Variants in PARD3B observed in about 807,000 individuals in gnomAD.
PARD3B encodes the protein par-3 family cell polarity regulator beta.
In PARD3B, 103 loss-of-function variants were observed where a neutral mutation model predicts 130.2. That is an observed-to-expected ratio of 0.79 (90% CI 0.67 to 0.93). The LOEUF (loss-of-function observed/expected upper bound fraction) is 0.93. Among genes scored for constraint, PARD3B ranks in the 40% least tolerant of loss-of-function variants. The pLI is 0.00. For synonymous variants in PARD3B, 583 were observed against 553.2 expected (o/e 1.05, Z -0.76); for missense variants, 1,609 against 1,499.2 (o/e 1.07, Z -1.21).
chr2:205,235,112 G>A lies in PARD3B; in HGVS notation c.2141-10666G>A, dbSNP rs1033343756. Among the ~76,000 whole-genome samples the A allele has an allele frequency of 3.5e-4, 53 of 152,138 alleles. 1 individual carries two copies. The highest frequency in any genetic ancestry group is 1.2e-3 in the African/African-American group (50 of 41,482). On this transcript the variant is annotated intron_variant, in intron 15 of 22. Coordinates refer to ENST00000406610, the MANE Select transcript of PARD3B (RefSeq NM_001302769.2). ...GAAAGATTTCAAATAAATGACCTCA[G>A]CTTTCACTTAAAAAAATGGTAAGAG...
chr2:205,377,068 A>T (rs560737744), intron 18 of PARD3B, among the ~76,000 whole-genome samples: 1 of 152,210 alleles, frequency 6.6e-6, no homozygotes, highest in Non-Finnish European at 1.5e-5. Flanking sequence ...CTTTATAACA[A>T]GTCTGTGAAA....
Position 204,835,935 on chromosome 2 carries a change from CT to C in PARD3B, c.223-129215del, listed in dbSNP as rs202184892. 6.7e-3 allele frequency among the ~76,000 whole-genome samples: 1,027 copies of C among 152,292 alleles called. 8 individuals are homozygous for C. The highest frequency in any genetic ancestry group is 0.041 in the Middle Eastern group (12 of 294). On this transcript the variant is annotated intron_variant, in intron 2 of 22. Coordinates refer to ENST00000406610, the MANE Select transcript of PARD3B (RefSeq NM_001302769.2). ...GTTAGGTATATTAAATGCATTTTGA[CT>C]TACAGTGGATTATCAAGATAGTAAG...
chr2:205,569,608 G>A (rs1279086345), intron 22 of PARD3B, among the ~76,000 whole-genome samples: 1 of 152,154 alleles, frequency 6.6e-6, no homozygotes, highest in African/African-American at 2.4e-5. Context: ...CATGCTGAAT[G>A]GCTTTAGACA....
intron 21 of PARD3B, among the ~76,000 whole-genome samples, chr2:205,532,053 G>A (rs2051621398): frequency 6.6e-6 from 1 of 152,140 alleles, no homozygotes; most frequent in African/African-American, 2.4e-5. Flanking sequence ...GTGAAAAATG[G>A]TGACCAGAAT....
chr2:205,016,056 A>G (rs1696121557), intron 3 of PARD3B, among the ~76,000 whole-genome samples: 1 of 152,236 alleles, frequency 6.6e-6, no homozygotes, highest in Non-Finnish European at 1.5e-5. Flanking sequence ...TTGTCTGCCT[A>G]GGCCAAACCA....
At chr2:205,203,772 G>T (rs547002359) in intron 15 of PARD3B, among the ~76,000 whole-genome samples, 1 of 152,202 alleles carries the variant, frequency 6.6e-6, no homozygotes, top group South Asian at 2.1e-4. Flanking sequence ...TCCCTGCAAA[G>T]TTCATGAACT....
chr2:204,973,592 CTAATTTAA>C (rs761311165), intron 3 of PARD3B, among the ~76,000 whole-genome samples: 2 of 149,284 alleles, frequency 1.3e-5, no homozygotes, highest in Non-Finnish European at 3.0e-5. Context: ...AAAAAATCCA[CTAATTTAA>C]TTATTTACAG....
intron 11 of PARD3B, among the ~76,000 whole-genome samples, chr2:205,171,317 G>A (rs1263998519): frequency 6.6e-6 from 1 of 152,132 alleles, no homozygotes; most frequent in Admixed American, 6.5e-5. Flanking sequence ...CTGCCTTTGG[G>A]GAAATGCACT....
intron 2 of PARD3B, among the ~76,000 whole-genome samples, chr2:204,846,852 T>C (rs2125597388): frequency 6.6e-6 from 1 of 152,126 alleles, no homozygotes; most frequent in South Asian, 2.1e-4. Flanking sequence ...TTCAGTTCCC[T>C]GAATCACAGG....
chr2:205,429,165 A>G (rs546033820), intron 19 of PARD3B, among the ~76,000 whole-genome samples: 30 of 152,350 alleles, frequency 2.0e-4, no homozygotes, highest in African/African-American at 7.2e-4. Flanking sequence ...TGTGTATTAT[A>G]TATTATGGAC....
At chr2:204,598,397 A>G (rs1044987313) in intron 1 of PARD3B, among the ~76,000 whole-genome samples, 2 of 152,106 alleles carry the variant, frequency 1.3e-5, no homozygotes, top group Admixed American at 6.6e-5. Flanking sequence ...ACTCAAGACT[A>G]CAGGGGTAGT....
chr2:205,153,360 T>G (rs1411476465), intron 10 of PARD3B, among the ~76,000 whole-genome samples: 1 of 152,188 alleles, frequency 6.6e-6, no homozygotes, highest in Non-Finnish European at 1.5e-5. Flanking sequence ...TCACTCATGC[T>G]GGGAGCTGTA....
intron 1 of PARD3B, among the ~76,000 whole-genome samples, chr2:204,671,733 T>C (rs145671993): frequency 1.1e-3 from 174 of 152,344 alleles, no homozygotes; most frequent in Admixed American, 1.9e-3. Flanking sequence ...GTGTGTTAGC[T>C]GATAATTTTT....
At chr2:205,337,926 G>A (rs2043373011) in intron 18 of PARD3B, among the ~76,000 whole-genome samples, 1 of 151,772 alleles carries the variant, frequency 6.6e-6, no homozygotes, top group Admixed American at 6.6e-5. Context: ...AAGGCGGGTG[G>A]ATCACCAGGT....
At chr2:205,185,262 TTG>T (rs141373746) in intron 13 of PARD3B, among the ~76,000 whole-genome samples, 19 of 149,912 alleles carry the variant, frequency 1.3e-4, no homozygotes, top group South Asian at 2.1e-4. Flanking sequence ...GTTTGTGTGT[TTG>T]TGTGTGTGTG....
At chr2:204,843,123 C>T (rs1040050000) in intron 2 of PARD3B, among the ~76,000 whole-genome samples, 3 of 151,866 alleles carry the variant, frequency 2.0e-5, no homozygotes, top group Non-Finnish European at 4.4e-5. Context: ...AAGGTGATGC[C>T]GCTAAACCTC....
intron 2 of PARD3B, among the ~76,000 whole-genome samples, chr2:204,908,691 C>T (rs957405227): frequency 6.6e-6 from 1 of 152,152 alleles, no homozygotes; most frequent in African/African-American, 2.4e-5. Context: ...TACTGTCATC[C>T]TTGCATAATT....
At chr2:205,374,161 C>T (rs933478042) in intron 18 of PARD3B, among the ~76,000 whole-genome samples, 2 of 130,058 alleles carry the variant, frequency 1.5e-5, no homozygotes, top group South Asian at 2.9e-4. Flanking sequence ...AACCACATTA[C>T]AGGAAATTGA....
At chr2:204,883,417 A>AATATATATATATAAAAT (rs2046133153) in intron 2 of PARD3B, among the ~76,000 whole-genome samples, 2 of 105,906 alleles carry the variant, frequency 1.9e-5, no homozygotes, top group African/African-American at 9.1e-5. Context: ...ATATATATAT[A>AATATATATATATAAAAT]ATATATATAT....
Sources: allele counts gnomAD v4.1 joint callset (sites outside exome capture counted in the v4.1 genomes callset), GRCh38; gene constraint gnomAD v4.1.1; transcripts MANE v1.5; gene names NCBI Gene and HGNC (gene_info 2026-07-23, HGNC 2026-07-21).